DST: variants seen among roughly 807,000 people sequenced by gnomAD.
The protein encoded by DST is dystonin, also known as bullous pemphigoid antigen.
In DST, 253 loss-of-function variants were observed where a neutral mutation model predicts 875.2. That is an observed-to-expected ratio of 0.29 (90% confidence interval 0.26 to 0.32). The LOEUF (loss-of-function observed/expected upper bound fraction) is 0.32, where lower values mean the gene tolerates loss of function less well. DST is among the 10% of genes least tolerant of loss of function. DST has a pLI of 1.00. For synonymous variants in DST, 3,124 were observed against 3,197.1 expected, an observed-to-expected ratio of 0.98 and a Z score of 0.77; for missense variants, 8,287 against 9,111.6, an observed-to-expected ratio of 0.91 and a Z score of 3.68.
chr6:56,598,128 A>C (rs534063879), intron 46 of DST, 122 bp from the exon 47 acceptor site: 1 of 964,344 alleles, frequency 1.0e-6, no homozygotes, highest in African/African-American at 1.7e-5. Context: ...AACTGACACA[A>C]TTGAAAACTT....
intron 86 of DST, among the ~76,000 whole-genome samples, chr6:56,487,682 T>C (rs2095611390): frequency 6.6e-6 from 1 of 152,182 alleles, no homozygotes; most frequent in Admixed American, 6.5e-5. Context: ...AATCATAAGC[T>C]TTTATAGAGC....
At chr6:56,788,189 T>C (rs1252346966) in intron 4 of DST, among the ~76,000 whole-genome samples, 1 of 145,588 alleles carries the variant, frequency 6.9e-6, no homozygotes, top group African/African-American at 2.5e-5. Context: ...ATAGCAAGTA[T>C]CGAAAGTATT....
At chr6:56,495,671 T>C (rs1041445123) in intron 82 of DST, among the ~76,000 whole-genome samples, 7 of 152,062 alleles carry the variant, frequency 4.6e-5, no homozygotes, top group African/African-American at 1.7e-4. Flanking sequence ...ACAAGTTTAG[T>C]CTATTACTTT....
intron 4 of DST, among the ~76,000 whole-genome samples, chr6:56,813,716 C>T (rs958991260): frequency 6.6e-6 from 1 of 152,136 alleles, no homozygotes; most frequent in Non-Finnish European, 1.5e-5. Flanking sequence ...ATTGCTATAG[C>T]AAAGGAGGGG....
In DST at chr6:56,485,369, T is replaced by C. The variant is rs766389596; in HGVS notation, c.21150A>G (p.Glu7050=). Residue 7050 remains glutamate (E), a synonymous_variant, in exon 88 of 104, where the codon GAA becomes GAG. Transcript: ENST00000680361. ...CAATGTCTCCATGAACAGGCTGGTC[T>C]TCTGCCAGCTGGGGTTCAACTCTAT... is the stretch of plus-strand genomic sequence containing the variant. ...WLYRVEPQLA[E]DQPVHGDIDL... is the part of the protein sequence containing the mutation. 2 of 1,613,830 alleles carry C rather than the reference T, an allele frequency of 1.2e-6. No individual in the cohort carries two copies. The highest frequency in any genetic ancestry group is 1.3e-5 in the African/African-American group (1 of 74,948).
chr6:56,612,168 T>A (rs112956565), intron 37 of DST, among the ~76,000 whole-genome samples: 4,635 of 152,234 alleles, frequency 0.03, 205 homozygotes, highest in African/African-American at 0.1. Flanking sequence ...CTCAGGCGTT[T>A]GAGACCAGCC....
intron 2 of DST, among the ~76,000 whole-genome samples, chr6:56,951,149 A>G (rs1822088891): frequency 6.6e-6 from 1 of 152,212 alleles, no homozygotes; most frequent in South Asian, 2.1e-4. Flanking sequence ...TACCAGAAGC[A>G]ATACATTCTG....
At position 56,645,980 on chromosome 6, in the gene DST, A is replaced by G. The variant is rs777461671; in HGVS notation, c.1664T>C (p.Phe555Ser). The G allele has an allele frequency of 6.2e-7, 1 of 1,608,812 alleles. No individual in the cohort carries two copies. The highest frequency in any genetic ancestry group is 1.7e-5 in the Admixed American group (1 of 58,708). ...LYKLLEIWIEFGRIKLLQGYH... is the reference protein window; with the variant it reads ...LYKLLEIWIESGRIKLLQGYH... ...ACCTTGAAGGAGCTTGATGCGTCCAAATTCTATCCAAATCTTGAGAAAACA... is the reference window on the plus strand; with the variant it reads ...ACCTTGAAGGAGCTTGATGCGTCCAGATTCTATCCAAATCTTGAGAAAACA... Residue 555 changes from phenylalanine (F) to serine (S), a missense_variant, in exon 15 of 104, where the codon TTT becomes TCT. By Grantham distance (155) the Phe-to-Ser change is radical. Transcript: ENST00000680361.
chr6:56,468,140 A>T (rs930926279), intron 98 of DST, among the ~76,000 whole-genome samples: 2 of 150,076 alleles, frequency 1.3e-5, no homozygotes. Flanking sequence ...TACTATAGAT[A>T]GCATGGTTCT....
chr6:56,875,018 C>A (rs1228001075), intron 3 of DST, among the ~76,000 whole-genome samples: 1 of 152,238 alleles, frequency 6.6e-6, no homozygotes, highest in Non-Finnish European at 1.5e-5. Context: ...GAGTCTCGCT[C>A]TGTCGCCCAG....
At chr6:56,600,600 T>C (rs894702010) in intron 44 of DST, among the ~76,000 whole-genome samples, 3 of 152,080 alleles carry the variant, frequency 2.0e-5, no homozygotes, top group African/African-American at 7.2e-5. Flanking sequence ...TAGGTTAACA[T>C]ATTTGATATG....
chr6:56,643,075 T>C (rs1257103365), intron 15 of DST: 2 of 496,302 alleles, frequency 4.0e-6, no homozygotes, highest in Non-Finnish European at 6.7e-6. Flanking sequence ...AGATTGGGCG[T>C]CACTGGAAAG....
At chr6:56,896,611 C>T (rs555956632) in intron 3 of DST, among the ~76,000 whole-genome samples, 13 of 152,318 alleles carry the variant, frequency 8.5e-5, no homozygotes, top group African/African-American at 2.6e-4. Context: ...ACCACATCCA[C>T]GCCAACATCA....
chr6:56,610,376 A>G, intron 39 of DST, 51 bp downstream of exon 39: 1 of 1,386,436 alleles, frequency 7.2e-7, no homozygotes, highest in Non-Finnish European at 9.7e-7. Context: ...AGAGCCATGC[A>G]ATCAAACTAA....
At position 56,954,471 on chromosome 6, in the gene DST, G is replaced by A; in HGVS notation, c.117C>T (p.His39=). 3 of 1,367,578 alleles carry A rather than the reference G, an allele frequency of 2.2e-6. No homozygotes were observed. The highest frequency in any genetic ancestry group is 2.9e-6 in the Non-Finnish European group (3 of 1,021,828). 84.7% of individuals were successfully genotyped at this position (1,367,578 alleles called of 1,614,324 possible). ...GATGCCTCCCTTTCTGGAGCTTGCGGTGCCAGCAGCAGAAGAAGACGATGG... is the reference window on the plus strand; with the variant it reads ...GATGCCTCCCTTTCTGGAGCTTGCGATGCCAGCAGCAGAAGAAGACGATGG... ...IATIVFFCCW[H]RKLQKGRHPM... The change falls in exon 1 of 104, where the codon CAC becomes CAT. Residue 39 remains histidine (H), a synonymous_variant. Coordinates refer to ENST00000680361, the MANE Select transcript of DST (RefSeq NM_001374736.1).
chr6:56,589,592 G>A (rs766305326), intron 49 of DST, among the ~76,000 whole-genome samples: 9 of 152,166 alleles, frequency 5.9e-5, no homozygotes, highest in Admixed American at 5.2e-4. Context: ...AAAGATTAGC[G>A]CAAGTCTGGA....
chr6:56,521,601 GA>G (rs10547460), intron 69 of DST, among the ~76,000 whole-genome samples: 3,623 of 91,888 alleles, frequency 0.039, 69 homozygotes, highest in African/African-American at 0.14. Context: ...CTCTGCTAAG[GA>G]AAAAAAAAAA....
intron 4 of DST, among the ~76,000 whole-genome samples, chr6:56,803,046 T>C (rs374248039): frequency 5.9e-5 from 9 of 152,184 alleles, no homozygotes; most frequent in Admixed American, 2.6e-4. Context: ...TTGGGGGCTG[T>C]TTTTAATGTG....
intron 102 of DST, among the ~76,000 whole-genome samples, chr6:56,462,402 T>C (rs1356343405): frequency 6.6e-6 from 1 of 152,176 alleles, no homozygotes; most frequent in Non-Finnish European, 1.5e-5. Flanking sequence ...TTAAATTAGT[T>C]ATTAAAATCT....
Sources: gnomAD v4.1 joint callset for allele counts (sites outside exome capture counted in the v4.1 genomes callset) on GRCh38, gnomAD v4.1.1 for gene constraint, MANE v1.5 for transcripts, NCBI Gene and HGNC (gene_info 2026-07-23, HGNC 2026-07-21) for gene names.